The following JMJD1C variants were observed in gnomAD, a reference collection of about 807,000 sequenced individuals.
JMJD1C encodes jumonji domain containing 1C.
Under a neutral mutation model 245.3 loss-of-function variants are expected in JMJD1C, and 31 were observed. The ratio of observed to expected loss-of-function variants is 0.13; its 90% CI spans 0.09 to 0.17. The LOEUF is 0.17. Ranked by LOEUF, JMJD1C falls within the 10% of genes least tolerant of loss-of-function variation. JMJD1C has a pLI of 1.00. For synonymous variants in JMJD1C, 1,057 were observed against 1,017.4 expected, an observed-to-expected ratio of 1.04 and a Z score of -0.74; for missense variants, 2,691 against 3,000.2, an observed-to-expected ratio of 0.90 and a Z score of 2.41.
chr10:63,478,765 T>C (rs894121669), intron 1 of JMJD1C, among the ~76,000 whole-genome samples: 18 of 152,142 alleles, frequency 1.2e-4, no homozygotes, highest in African/African-American at 4.3e-4. Context: ...TTAGGGTTTT[T>C]ACTGGGGCTA....
chr10:63,486,153 A>C (rs1273755132), intron 1 of JMJD1C, among the ~76,000 whole-genome samples: 21 of 66,088 alleles, frequency 3.2e-4, no homozygotes, highest in South Asian at 7.6e-4. Flanking sequence ...AAAAAAAAAA[A>C]AAAAAAAAAA....
In JMJD1C at chr10:63,478,090, T is replaced by C. The variant is rs181198131; in HGVS notation, n.113+43648A>G. The stretch of plus-strand genomic sequence containing the variant: ...CTCATACAGTGCTGACTGGAAGTGA[T>C]TGCCACTTTGCAAAAGAGTTTCTAA... On this transcript the variant is annotated intron_variant and non_coding_transcript_variant, in intron 1 of 3. Transcript: ENST00000633035. 4.0e-3 allele frequency among the ~76,000 whole-genome samples: 603 copies of C among 150,960 alleles called. 1 individual carries two copies. Among genetic ancestry groups the C allele is most frequent in the African/African-American group, 0.011 (444 of 41,062 alleles).
chr10:63,401,640 C>A (rs371490222), intron 1 of JMJD1C, among the ~76,000 whole-genome samples: 1 of 152,108 alleles, frequency 6.6e-6, no homozygotes, highest in Non-Finnish European at 1.5e-5. Context: ...CATACCACCA[C>A]GTACACTTGA....
At chr10:63,447,966 A>G (rs527861384) in intron 1 of JMJD1C, among the ~76,000 whole-genome samples, 21 of 152,106 alleles carry the variant, frequency 1.4e-4, no homozygotes, top group African/African-American at 4.8e-4. Flanking sequence ...AGAGAGAGAG[A>G]AAGAAAAAAT....
chr10:63,344,314 C>T (rs1171153467), intron 2 of JMJD1C, among the ~76,000 whole-genome samples: 2 of 152,072 alleles, frequency 1.3e-5, no homozygotes, highest in Non-Finnish European at 2.9e-5. Flanking sequence ...ATATTCAGTA[C>T]AGTAACATGC....
chr10:63,328,952 CTG>C (rs1298109146), intron 2 of JMJD1C, among the ~76,000 whole-genome samples: 1 of 152,092 alleles, frequency 6.6e-6, no homozygotes, highest in East Asian at 1.9e-4. Context: ...TGTGAAAACA[CTG>C]TATTCACGCA....
chr10:63,407,305 T>C lies in JMJD1C; in HGVS notation c.169-26823A>G, dbSNP rs190199899. 1.1e-3 allele frequency among the ~76,000 whole-genome samples: 169 copies of C among 152,316 alleles called. 1 individual carries two copies. Among genetic ancestry groups the C allele is most frequent in the African/African-American group, 3.7e-3 (154 of 41,556 alleles). On this transcript the variant is annotated intron_variant, in intron 1 of 25. Transcript: ENST00000399262. ...AACAGGTTGAGGGCAGAGATTACCATTGAAACAGAAGAAGGATTAAGTGAA... is the reference window on the plus strand; with the variant it reads ...AACAGGTTGAGGGCAGAGATTACCACTGAAACAGAAGAAGGATTAAGTGAA...
At chr10:63,326,206 A>G (rs1941477676) in intron 2 of JMJD1C, among the ~76,000 whole-genome samples, 1 of 152,064 alleles carries the variant, frequency 6.6e-6, no homozygotes, top group Non-Finnish European at 1.5e-5. Flanking sequence ...TTTAAAGATG[A>G]TAAAATGGCC....
At chr10:63,445,401 T>C (rs1231196437) in intron 1 of JMJD1C, among the ~76,000 whole-genome samples, 2 of 152,122 alleles carry the variant, frequency 1.3e-5, no homozygotes, top group African/African-American at 4.8e-5. Flanking sequence ...AAAGAAGTGA[T>C]GGAGTCATGT....
chr10:63,478,698 A>G (rs1347814611), intron 1 of JMJD1C, among the ~76,000 whole-genome samples: 1 of 152,198 alleles, frequency 6.6e-6, no homozygotes, highest in African/African-American at 2.4e-5. Context: ...CAGCAACAAC[A>G]TATGCACAAC....
chr10:63,439,192 G>A (rs1468934443), intron 1 of JMJD1C, among the ~76,000 whole-genome samples: 1 of 152,086 alleles, frequency 6.6e-6, no homozygotes, highest in African/African-American at 2.4e-5. Flanking sequence ...AAGTATTAAT[G>A]CCCATTAGTA....
intron 1 of JMJD1C, among the ~76,000 whole-genome samples, chr10:63,452,832 G>C (rs904560302): frequency 4.6e-5 from 7 of 152,132 alleles, no homozygotes; most frequent in Non-Finnish European, 5.9e-5. Flanking sequence ...TACAAATATT[G>C]TATGATTCCA....
intron 1 of JMJD1C, among the ~76,000 whole-genome samples, chr10:63,437,559 T>G (rs570734701): frequency 6.6e-6 from 1 of 152,322 alleles, no homozygotes; most frequent in South Asian, 2.1e-4. Context: ...ATCTCTGAAT[T>G]GTTTTCATCA....
At chr10:63,460,726 A>G (rs1952734953) in intron 1 of JMJD1C, among the ~76,000 whole-genome samples, 1 of 152,234 alleles carries the variant, frequency 6.6e-6, no homozygotes, top group South Asian at 2.1e-4. Context: ...TCTAAAAATA[A>G]TATATAAAAT....
At chr10:63,476,720 C>T (rs1953672734) in intron 1 of JMJD1C, among the ~76,000 whole-genome samples, 1 of 152,070 alleles carries the variant, frequency 6.6e-6, no homozygotes. Context: ...CAGAGCAAAA[C>T]CTTGTTTCTA....
intron 3 of JMJD1C, among the ~76,000 whole-genome samples, chr10:63,231,578 G>C (rs917442496): frequency 6.6e-6 from 1 of 152,120 alleles, no homozygotes; most frequent in East Asian, 1.9e-4. Flanking sequence ...CAGATCACTT[G>C]AAGTCAGGAG....
At chr10:63,253,835 G>A (rs1036260139) in intron 3 of JMJD1C, among the ~76,000 whole-genome samples, 7 of 152,156 alleles carry the variant, frequency 4.6e-5, no homozygotes, top group African/African-American at 1.4e-4. Context: ...GCATCCCTAC[G>A]ACCAGAATGA....
At chr10:63,310,909 C>A (rs1227339285) in intron 2 of JMJD1C, among the ~76,000 whole-genome samples, 1 of 151,784 alleles carries the variant, frequency 6.6e-6, no homozygotes, top group Non-Finnish European at 1.5e-5. Context: ...CATTAAGATA[C>A]GATTTTATAT....
intron 2 of JMJD1C, among the ~76,000 whole-genome samples, chr10:63,278,632 G>T (rs970493473): frequency 1.3e-5 from 2 of 151,774 alleles, no homozygotes; most frequent in Non-Finnish European, 2.9e-5. Context: ...CCGAAGTCGG[G>T]AGTTCAAGAC....
Sources: gnomAD v4.1 joint callset for allele counts (sites outside exome capture counted in the v4.1 genomes callset) on GRCh38, gnomAD v4.1.1 for gene constraint, MANE v1.5 for transcripts, NCBI Gene and HGNC (gene_info 2026-07-23, HGNC 2026-07-21) for gene names.